Variants in SPTSSA observed in about 807,000 individuals in gnomAD.
The protein encoded by SPTSSA is serine palmitoyltransferase small subunit A.
Under a neutral mutation model 9.1 loss-of-function variants are expected in SPTSSA, and 8 were observed. That is an observed-to-expected ratio of 0.88 (90% CI 0.51 to 1.58). The LOEUF (loss-of-function observed/expected upper bound fraction) is 1.58, where lower values mean the gene tolerates loss of function less well. Among genes scored for constraint, SPTSSA ranks in the 40% most tolerant of loss-of-function variants. The pLI is 0.00. For missense variants in SPTSSA, 100 were observed against 93.8 expected, an observed-to-expected ratio of 1.07 and a Z score of -0.27; for synonymous variants, 42 against 37.7, an observed-to-expected ratio of 1.11 and a Z score of -0.41.
At chr14:34,458,426 T>C (rs1878535362) in intron 1 of SPTSSA, among the ~76,000 whole-genome samples, 2 of 152,110 alleles carry the variant, frequency 1.3e-5, no homozygotes, top group African/African-American at 4.8e-5. Context: ...TCCAGCTATC[T>C]GCCCACCGCG....
chr14:34,445,162 T>C (rs1883400299), intron 1 of SPTSSA, among the ~76,000 whole-genome samples: 1 of 152,098 alleles, frequency 6.6e-6, no homozygotes, highest in Non-Finnish European at 1.5e-5. Flanking sequence ...GAAAAAACTT[T>C]TTTTTTCTTT....
At chr14:34,444,582 T>C (rs1883387803) in intron 1 of SPTSSA, among the ~76,000 whole-genome samples, 1 of 151,938 alleles carries the variant, frequency 6.6e-6, no homozygotes. Context: ...TGAAACCCTG[T>C]CTCTACTGAA....
At chr14:34,439,148 A>C (rs1166139562) in intron 1 of SPTSSA, among the ~76,000 whole-genome samples, 1 of 152,198 alleles carries the variant, frequency 6.6e-6, no homozygotes, top group Admixed American at 6.5e-5. Flanking sequence ...TATACCATAT[A>C]GTTGGCATTG....
chr14:34,451,529 C>A lies in SPTSSA; in HGVS notation c.112+10567G>T, dbSNP rs553789901. ...ACGAGGTCAGGAGATCGAGACCGTC[C>A]TGGCTAACACGGTGAAACCCCGTCT... On this transcript the variant is annotated intron_variant, in intron 1 of 1. Coordinates refer to ENST00000298130, the MANE Select transcript of SPTSSA (RefSeq NM_138288.4). 7.2e-5 allele frequency among the ~76,000 whole-genome samples: 11 copies of A among 152,118 alleles called. No individual in the cohort carries two copies. In the South Asian group the frequency reaches 1.5e-3, roughly 20 times the overall value.
chr14:34,453,931 G>T (rs1883568674), intron 1 of SPTSSA, among the ~76,000 whole-genome samples: 1 of 151,802 alleles, frequency 6.6e-6, no homozygotes, highest in South Asian at 2.1e-4. Context: ...TGTAATCCGA[G>T]CACTTTGGAA....
intron 1 of SPTSSA, among the ~76,000 whole-genome samples, chr14:34,451,717 C>CAAAA (rs35096900): frequency 3.9e-5 from 3 of 77,162 alleles, no homozygotes; most frequent in Admixed American, 1.6e-4. Flanking sequence ...GACTCTGTTT[C>CAAAA]AAAAAAAAAA....
intron 1 of SPTSSA, among the ~76,000 whole-genome samples, chr14:34,456,067 T>C (rs1479269783): frequency 6.6e-6 from 1 of 152,084 alleles, no homozygotes. Context: ...CTCACACCTA[T>C]AATCCCAGCA....
chr14:34,451,021 A>ATTT (rs770553832), intron 1 of SPTSSA, among the ~76,000 whole-genome samples: 25 of 142,572 alleles, frequency 1.8e-4, no homozygotes, highest in African/African-American at 6.2e-4. Context: ...AGAAATAAAG[A>ATTT]TTTTTTTTTT....
intron 1 of SPTSSA, among the ~76,000 whole-genome samples, chr14:34,456,247 T>C (rs11156844): frequency 0.11 from 15,753 of 148,896 alleles, 1,756 homozygotes; most frequent in African/African-American, 0.29. Flanking sequence ...ACTTGAACCC[T>C]GGAGGCAGAG....
rs371349586 is a variant in SPTSSA at position 34,435,191 on chromosome 14, C to T, written c.*10G>A. 15 of 1,608,072 alleles carry T rather than the reference C, an allele frequency of 9.3e-6. No individual in the cohort carries two copies. The Middle Eastern group carries it at 4.9e-4, about 53-fold the overall frequency. On this transcript the variant is annotated 3_prime_UTR_variant, in exon 2 of 2. Transcript: ENST00000298130. Reference sequence around the variant, plus strand: ...TCCCCAAGGAACCTCTGATCCTGGTCGCATCTTGGTCATTGTACGATTTCA... The same window carrying T: ...TCCCCAAGGAACCTCTGATCCTGGTTGCATCTTGGTCATTGTACGATTTCA...
At chr14:34,459,074 C>T (rs74459551) in intron 1 of SPTSSA, among the ~76,000 whole-genome samples, 27,879 of 151,642 alleles carry the variant, frequency 0.18, 2,742 homozygotes, top group East Asian at 0.28. Context: ...CGGCCCACAA[C>T]TTCAAATTTT....
At chr14:34,443,581 G>C (rs1883368609) in intron 1 of SPTSSA, among the ~76,000 whole-genome samples, 1 of 134,802 alleles carries the variant, frequency 7.4e-6, no homozygotes, top group African/African-American at 2.8e-5. Flanking sequence ...TCATTACCCA[G>C]CTGGAGTGCA....
intron 1 of SPTSSA, among the ~76,000 whole-genome samples, chr14:34,459,224 G>A (rs1878559812): frequency 6.6e-6 from 1 of 151,926 alleles, no homozygotes. Context: ...CTTGAGGTCA[G>A]GAGTTTGAGA....
chr14:34,453,904 G>T (rs1285739654), intron 1 of SPTSSA, among the ~76,000 whole-genome samples: 3 of 151,442 alleles, frequency 2.0e-5, no homozygotes, highest in Non-Finnish European at 4.4e-5. Context: ...AAGAGGCCAG[G>T]TCCGATGGTT....
intron 1 of SPTSSA, among the ~76,000 whole-genome samples, chr14:34,438,059 C>A (rs1341510349): frequency 6.6e-6 from 1 of 152,042 alleles, no homozygotes; most frequent in African/African-American, 2.4e-5. Context: ...CACCTCAGCC[C>A]CCCAAAGTGC....
At chr14:34,448,036 C>T (rs1027301841) in intron 1 of SPTSSA, among the ~76,000 whole-genome samples, 4 of 152,110 alleles carry the variant, frequency 2.6e-5, no homozygotes, top group African/African-American at 9.7e-5. Flanking sequence ...GGGCAGATCA[C>T]TTGAGGTCAG....
At chr14:34,441,060 G>C (rs1393250030) in intron 1 of SPTSSA, among the ~76,000 whole-genome samples, 1 of 151,958 alleles carries the variant, frequency 6.6e-6, no homozygotes, top group Non-Finnish European at 1.5e-5. Context: ...CAAGATACTA[G>C]AGTTCAAGAC....
chr14:34,461,482 G>A (rs539740363), intron 1 of SPTSSA, among the ~76,000 whole-genome samples: 184 of 152,234 alleles, frequency 1.2e-3, no homozygotes, highest in African/African-American at 4.2e-3. Flanking sequence ...ACCACTTTTC[G>A]GGCCGACTTC....
intron 1 of SPTSSA, among the ~76,000 whole-genome samples, chr14:34,461,130 G>A (rs574492606): frequency 3.9e-5 from 6 of 152,308 alleles, no homozygotes; most frequent in African/African-American, 1.4e-4. Context: ...AGGAGAGAAC[G>A]TGGATAAACT....
Sources: gnomAD v4.1 joint callset for allele counts (sites outside exome capture counted in the v4.1 genomes callset) on GRCh38, gnomAD v4.1.1 for gene constraint, MANE v1.5 for transcripts, NCBI Gene and HGNC (gene_info 2026-07-23, HGNC 2026-07-21) for gene names.